Variants in GALNT10 observed in about 807,000 individuals in gnomAD.
GALNT10 encodes GalNAc transferase 10.
A neutral mutation model predicts 75.0 loss-of-function variants in GALNT10; 41 were observed. The ratio of observed to expected loss-of-function variants is 0.55; its 90% CI spans 0.43 to 0.71. The LOEUF is 0.71. Among genes scored for constraint, GALNT10 ranks in the 30% least tolerant of loss-of-function variants. The pLI is 0.00. For missense variants in GALNT10, 727 were observed against 818.5 expected (o/e 0.89, Z 1.36); for synonymous variants, 302 against 313.0 (o/e 0.96, Z 0.37).
chr5:154,407,707 T>G (rs1756310262), intron 8 of GALNT10, among the ~76,000 whole-genome samples: 1 of 152,226 alleles, frequency 6.6e-6, no homozygotes, highest in Non-Finnish European at 1.5e-5. Flanking sequence ...CAGTCTCTGT[T>G]AGGCCTTCAA....
intron 1 of GALNT10, among the ~76,000 whole-genome samples, 159 bp downstream of exon 1, chr5:154,191,184 G>A (rs1774853490): frequency 6.6e-6 from 1 of 151,962 alleles, no homozygotes; most frequent in African/African-American, 2.4e-5. Flanking sequence ...AAGTCCTGTC[G>A]GGACTTGTCC....
chr5:154,195,225 C>G (rs1019944961), intron 1 of GALNT10, among the ~76,000 whole-genome samples: 21 of 152,240 alleles, frequency 1.4e-4, no homozygotes, highest in Non-Finnish European at 1.0e-4. Flanking sequence ...TGAGGCAAAC[C>G]TGGCAGCTAC....
intron 2 of GALNT10, among the ~76,000 whole-genome samples, chr5:154,296,487 A>C (rs997682602): frequency 8.5e-5 from 13 of 152,334 alleles, no homozygotes; most frequent in South Asian, 4.1e-4. Context: ...CAGCAAGACA[A>C]GAGTAACGAG....
intron 1 of GALNT10, chr5:154,219,595 C>T (rs1752938321): frequency 6.6e-6 from 1 of 152,216 alleles, no homozygotes; most frequent in Non-Finnish European, 1.5e-5. Flanking sequence ...CTCTCCCAGC[C>T]AACGGCTTCG....
chr5:154,394,950 G>A (rs928727384), intron 7 of GALNT10, among the ~76,000 whole-genome samples: 34 of 152,362 alleles, frequency 2.2e-4, no homozygotes, highest in African/African-American at 8.2e-4. Context: ...GCTAGAAACA[G>A]GGAAGGCATT....
At chr5:154,331,188 C>T (rs1754858413) in intron 4 of GALNT10, among the ~76,000 whole-genome samples, 1 of 152,152 alleles carries the variant, frequency 6.6e-6, no homozygotes, top group Non-Finnish European at 1.5e-5. Context: ...GCTCCTTAGG[C>T]ATACAGTAGG....
At chr5:154,325,732 A>G (rs1754747183) in intron 3 of GALNT10, among the ~76,000 whole-genome samples, 1 of 152,148 alleles carries the variant, frequency 6.6e-6, no homozygotes, top group Admixed American at 6.5e-5. Context: ...AAGCTGATAA[A>G]GTGCATCTGT....
intron 1 of GALNT10, among the ~76,000 whole-genome samples, chr5:154,283,742 TC>T (rs1754075401): frequency 6.6e-6 from 1 of 151,966 alleles, no homozygotes; most frequent in Non-Finnish European, 1.5e-5. Context: ...CCTACCCCTC[TC>T]CCCCTCTTGG....
intron 1 of GALNT10, chr5:154,218,147 C>T: frequency 1.0e-6 from 1 of 985,078 alleles, no homozygotes; most frequent in Non-Finnish European, 1.2e-6. Context: ...TGGGCATTTT[C>T]AGGTGGGGAT....
At position 154,237,092 on chromosome 5, in the gene GALNT10, C is replaced by T. The variant is rs185552237; in HGVS notation, c.159+46067C>T. Reference sequence around the variant, plus strand: ...ATTCCTCCATGGTCCTAAACTGGTTCTTTGTGTCCCAGGTAGCAGAGAGTT... The same window carrying T: ...ATTCCTCCATGGTCCTAAACTGGTTTTTTGTGTCCCAGGTAGCAGAGAGTT... On this transcript the variant is annotated intron_variant, in intron 1 of 11. Coordinates refer to ENST00000297107, the MANE Select transcript of GALNT10 (RefSeq NM_198321.4). 4.3e-4 allele frequency among the ~76,000 whole-genome samples: 65 copies of T among 152,302 alleles called. No homozygotes were observed. In the East Asian group the frequency reaches 0.01, roughly 24 times the overall value.
chr5:154,255,996 C>T (rs888136594), intron 1 of GALNT10, among the ~76,000 whole-genome samples: 2 of 152,110 alleles, frequency 1.3e-5, no homozygotes, highest in Non-Finnish European at 2.9e-5. Context: ...GTATAACTCT[C>T]TTAAGTAACC....
intron 4 of GALNT10, among the ~76,000 whole-genome samples, chr5:154,350,269 G>A (rs905023374): frequency 3.3e-5 from 5 of 152,222 alleles, no homozygotes; most frequent in Non-Finnish European, 7.3e-5. Flanking sequence ...TATAATGTCA[G>A]GACTTGCTCT....
chr5:154,344,883 C>T (rs774650878), intron 4 of GALNT10, among the ~76,000 whole-genome samples: 14 of 152,118 alleles, frequency 9.2e-5, no homozygotes, highest in African/African-American at 2.7e-4. Context: ...AATGACAAGT[C>T]GTGCTCCACC....
At chr5:154,309,795 A>G (rs993652059) in intron 3 of GALNT10, among the ~76,000 whole-genome samples, 2 of 152,226 alleles carry the variant, frequency 1.3e-5, no homozygotes, top group Admixed American at 6.5e-5. Context: ...ACACTGTTTC[A>G]CATCCAAATG....
chr5:154,411,339 C>T (rs903836312), intron 9 of GALNT10, among the ~76,000 whole-genome samples: 1 of 152,142 alleles, frequency 6.6e-6, no homozygotes, highest in African/African-American at 2.4e-5. Flanking sequence ...GCTGACCAAC[C>T]CCTACTGCTT....
intron 1 of GALNT10, 133 bp from the exon 2 acceptor site, chr5:154,294,683 T>C: frequency 1.8e-6 from 1 of 547,224 alleles, no homozygotes; most frequent in Non-Finnish European, 3.3e-6. Flanking sequence ...AAAGGTATGC[T>C]GAGGGAGTGG....
intron 6 of GALNT10, among the ~76,000 whole-genome samples, chr5:154,384,238 G>A (rs2113182691): frequency 6.6e-6 from 1 of 152,262 alleles, no homozygotes; most frequent in South Asian, 2.1e-4. Context: ...CACTAGCAAC[G>A]TGGGATAGGA....
intron 1 of GALNT10, chr5:154,219,692 G>A (rs978601169): frequency 2.0e-5 from 3 of 152,094 alleles, no homozygotes; most frequent in Admixed American, 1.3e-4. Context: ...ACACGCCCAG[G>A]TGATTATAAT....
intron 1 of GALNT10, among the ~76,000 whole-genome samples, chr5:154,206,695 A>G (rs1033002613): frequency 6.6e-6 from 1 of 152,230 alleles, no homozygotes; most frequent in Admixed American, 6.5e-5. Flanking sequence ...TCTTTCAAGA[A>G]CAGCAAAAGG....
Sources: allele counts gnomAD v4.1 joint callset (sites outside exome capture counted in the v4.1 genomes callset), GRCh38; gene constraint gnomAD v4.1.1; transcripts MANE v1.5; gene names NCBI Gene and HGNC (gene_info 2026-07-23, HGNC 2026-07-21).